Variants in PCDH15 observed in about 807,000 individuals in gnomAD.
PCDH15 encodes the protein protocadherin related 15, also known as protocadherin-15.
A neutral mutation model predicts 178.5 loss-of-function variants in PCDH15; 129 were observed. That is an observed-to-expected ratio of 0.72 (90% CI 0.63 to 0.84). The LOEUF (loss-of-function observed/expected upper bound fraction) is 0.84, where lower values mean the gene tolerates loss of function less well. Ranked by LOEUF, PCDH15 falls within the 40% of genes least tolerant of loss-of-function variation. The pLI is 0.00. For synonymous variants in PCDH15, 800 were observed against 732.0 expected, an observed-to-expected ratio of 1.09 and a Z score of -1.50; for missense variants, 2,230 against 2,099.9, an observed-to-expected ratio of 1.06 and a Z score of -1.21.
intron 8 of PCDH15, among the ~76,000 whole-genome samples, chr10:54,272,392 C>A (rs2058103882): frequency 6.6e-6 from 1 of 151,934 alleles, no homozygotes; most frequent in Admixed American, 6.6e-5. Context: ...TGTTTATATG[C>A]AGCTATTTGT....
intron 3 of PCDH15, among the ~76,000 whole-genome samples, chr10:54,831,877 A>G (rs1953232335): frequency 6.6e-6 from 1 of 152,158 alleles, no homozygotes; most frequent in Non-Finnish European, 1.5e-5. Context: ...AACAGCCTCA[A>G]ATTTAAGACA....
chr10:54,854,123 C>T (rs1339580446), intron 3 of PCDH15, among the ~76,000 whole-genome samples: 2 of 152,148 alleles, frequency 1.3e-5, no homozygotes, highest in Non-Finnish European at 2.9e-5. Flanking sequence ...ACGGGCAGCT[C>T]CTGATGCTAA....
chr10:54,108,629 G>A (rs982031027), intron 15 of PCDH15, among the ~76,000 whole-genome samples: 1 of 152,058 alleles, frequency 6.6e-6, no homozygotes, highest in Non-Finnish European at 1.5e-5. Context: ...GGACTAGGAT[G>A]GCATGTGACC....
chr10:54,692,791 G>A (rs1013003822), intron 1 of PCDH15, among the ~76,000 whole-genome samples: 6 of 151,472 alleles, frequency 4.0e-5, no homozygotes, highest in Admixed American at 1.3e-4. Context: ...TGAAAATGAT[G>A]TAGTAAAGAT....
At chr10:55,448,242 T>C (rs1324811060) in intron 2 of PCDH15, among the ~76,000 whole-genome samples, 3 of 151,944 alleles carry the variant, frequency 2.0e-5, no homozygotes, top group Non-Finnish European at 4.4e-5. Flanking sequence ...TTGTCAGAAA[T>C]CAAACATGGA....
chr10:54,041,802 C>T (rs1359398996), intron 18 of PCDH15, among the ~76,000 whole-genome samples: 1 of 152,060 alleles, frequency 6.6e-6, no homozygotes, highest in Non-Finnish European at 1.5e-5. Flanking sequence ...AGTTTTCACA[C>T]TGTCAGGAAG....
At chr10:54,326,486 T>C (rs914242272) in intron 7 of PCDH15, among the ~76,000 whole-genome samples, 1 of 152,206 alleles carries the variant, frequency 6.6e-6, no homozygotes, top group Non-Finnish European at 1.5e-5. Context: ...ATTTATATAA[T>C]ACTGTAATAA....
intron 2 of PCDH15, among the ~76,000 whole-genome samples, chr10:55,437,297 TG>T (rs1230111406): frequency 6.6e-6 from 1 of 152,168 alleles, no homozygotes; most frequent in Non-Finnish European, 1.5e-5. Flanking sequence ...ATAAAGAGTT[TG>T]GGCCCTTTAA....
chr10:54,986,610 G>C (rs1267844865), intron 2 of PCDH15, among the ~76,000 whole-genome samples: 2 of 152,054 alleles, frequency 1.3e-5, no homozygotes, highest in Admixed American at 6.6e-5. Flanking sequence ...ATAAAGGTAG[G>C]AAAACTGAAG....
chr10:55,008,657 T>G (rs752409420), intron 2 of PCDH15, among the ~76,000 whole-genome samples: 33 of 152,086 alleles, frequency 2.2e-4, no homozygotes, highest in Admixed American at 5.3e-4. Context: ...TAGGGCATAA[T>G]ACCCCCAGCA....
At position 55,396,237 on chromosome 10, in the gene PCDH15, A is replaced by G. The variant is rs114525040; in HGVS notation, c.-155-229586T>C. Among the ~76,000 whole-genome samples the G allele has an allele frequency of 7.8e-3, 1,191 of 152,268 alleles. 20 individuals are homozygous for G. Among genetic ancestry groups the G allele is most frequent in the African/African-American group, 0.027 (1,119 of 41,552 alleles). On this transcript the variant is annotated intron_variant, in intron 2 of 5. Coordinates refer to the PCDH15 transcript ENST00000613346. ...TCCCTATCATTTATTCCAGCACTTT[A>G]GAAACATCACTCTGTTGCCTGTTTA...
At chr10:54,028,197 T>C (rs531068960) in intron 18 of PCDH15, among the ~76,000 whole-genome samples, 1 of 149,210 alleles carries the variant, frequency 6.7e-6, no homozygotes, top group South Asian at 2.2e-4. Context: ...ATGCTCATCA[T>C]CACTGGCCAT....
intron 2 of PCDH15, among the ~76,000 whole-genome samples, chr10:55,047,588 G>A (rs1841044660): frequency 6.6e-6 from 1 of 151,772 alleles, no homozygotes; most frequent in African/African-American, 2.4e-5. Context: ...TAAAGAGGGG[G>A]AAGTGACAAG....
At chr10:54,889,099 C>T (rs1591764724) in intron 3 of PCDH15, among the ~76,000 whole-genome samples, 1 of 151,934 alleles carries the variant, frequency 6.6e-6, no homozygotes, top group East Asian at 1.9e-4. Flanking sequence ...TGACCTGGCT[C>T]ATTGAAGAAT....
chr10:53,991,278 G>C (rs2134800827), intron 21 of PCDH15, among the ~76,000 whole-genome samples: 1 of 152,360 alleles, frequency 6.6e-6, no homozygotes, highest in South Asian at 2.1e-4. Flanking sequence ...GGGCTCCTGA[G>C]TCTGGTGGGG....
intron 15 of PCDH15, among the ~76,000 whole-genome samples, chr10:54,091,245 G>T (rs1172823673): frequency 6.6e-6 from 1 of 152,164 alleles, no homozygotes; most frequent in Non-Finnish European, 1.5e-5. Context: ...GCTACAGGGG[G>T]GGATATATCT....
intron 15 of PCDH15, among the ~76,000 whole-genome samples, chr10:54,119,637 A>C (rs2095179843): frequency 6.6e-6 from 1 of 152,196 alleles, no homozygotes; most frequent in African/African-American, 2.4e-5. Flanking sequence ...AGAAACAAGA[A>C]ATCAAGAGAA....
chr10:54,175,458 T>C (rs2047345121), intron 13 of PCDH15, among the ~76,000 whole-genome samples: 1 of 152,188 alleles, frequency 6.6e-6, no homozygotes, highest in South Asian at 2.1e-4. Context: ...TTAATAATCA[T>C]AAGTGCTTTA....
chr10:55,154,274 A>G (rs2589437), intron 2 of PCDH15, among the ~76,000 whole-genome samples: 143,197 of 152,188 alleles, frequency 0.94, 67,655 homozygotes, highest in East Asian at 1. Flanking sequence ...GAAAACAAGT[A>G]TAATATTAGT....
Sources: allele counts gnomAD v4.1 joint callset (sites outside exome capture counted in the v4.1 genomes callset), GRCh38; gene constraint gnomAD v4.1.1; transcripts MANE v1.5; gene names NCBI Gene and HGNC (gene_info 2026-07-23, HGNC 2026-07-21).